The following MCTP1 variants were observed in gnomAD, a reference collection of about 807,000 sequenced individuals.
MCTP1 encodes the protein multiple C2 and transmembrane domain containing 1.
A neutral mutation model predicts 120.6 loss-of-function variants in MCTP1; 69 were observed. The observed-to-expected ratio is 0.57, with a 90% CI of 0.47 to 0.70. The LOEUF is 0.70. Ranked by LOEUF, MCTP1 falls within the 30% of genes least tolerant of loss-of-function variation. The pLI is 0.00. For missense variants in MCTP1, 1,203 were observed against 1,248.8 expected, an observed-to-expected ratio of 0.96 and a Z score of 0.55; for synonymous variants, 529 against 493.1, an observed-to-expected ratio of 1.07 and a Z score of -0.96.
chr5:95,149,441 C>G (rs553108322), intron 1 of MCTP1, among the ~76,000 whole-genome samples: 3 of 152,084 alleles, frequency 2.0e-5, no homozygotes, highest in Admixed American at 2.0e-4. Context: ...TGGGAAAATA[C>G]GGAGCTGTGC....
At chr5:95,221,100 A>G (rs1416363605) in intron 1 of MCTP1, among the ~76,000 whole-genome samples, 1 of 152,250 alleles carries the variant, frequency 6.6e-6, no homozygotes, top group African/African-American at 2.4e-5. Context: ...TGCTACAACC[A>G]ACAGGTAAAA....
At chr5:95,103,661 TAC>T (rs1450472968) in intron 1 of MCTP1, among the ~76,000 whole-genome samples, 3 of 152,226 alleles carry the variant, frequency 2.0e-5, no homozygotes, top group Admixed American at 6.5e-5. Flanking sequence ...TCATTTCACC[TAC>T]TGCACTTTAT....
Position 94,727,113 on chromosome 5 carries a change from T to TC in MCTP1, c.2611-12228dup, listed in dbSNP as rs1364659387. On this transcript the variant is annotated intron_variant, in intron 19 of 22. Coordinates refer to ENST00000515393, the MANE Select transcript of MCTP1 (RefSeq NM_024717.7). ...CCCTTACAGAAAGAGAGAATCACCA[T>TC]CCCTTCTCCCCATCTGAGCTTAAAA... is the stretch of plus-strand genomic sequence containing the variant. Among the ~76,000 whole-genome samples the TC allele has an allele frequency of 2.0e-5, 3 of 152,152 alleles. No homozygotes were observed. In the East Asian group the frequency reaches 5.8e-4, roughly 29 times the overall value.
chr5:94,994,609 G>A (rs1832247374), intron 2 of MCTP1, among the ~76,000 whole-genome samples: 1 of 152,170 alleles, frequency 6.6e-6, no homozygotes. Context: ...TGTAGTGTGT[G>A]TATGTTGAGG....
At chr5:94,710,959 A>G (rs1291013616) in intron 20 of MCTP1, 32 bp from the exon 21 acceptor site, 2 of 1,405,018 alleles carry the variant, frequency 1.4e-6, no homozygotes, top group African/African-American at 1.4e-5. Context: ...CAGCAATCTG[A>G]GTACTTCATA....
At chr5:94,867,409 C>T (rs1216440756) in intron 17 of MCTP1, 5 of 1,281,782 alleles carry the variant, frequency 3.9e-6, no homozygotes, top group Non-Finnish European at 5.5e-6. Context: ...GCTCAAAGTA[C>T]TAAACAGATG....
intron 20 of MCTP1, among the ~76,000 whole-genome samples, chr5:94,714,353 T>A (rs1046180182): frequency 7.9e-5 from 12 of 152,178 alleles, no homozygotes; most frequent in African/African-American, 2.2e-4. Flanking sequence ...ATTAATTTTT[T>A]AAAAAATTTA....
intron 1 of MCTP1, among the ~76,000 whole-genome samples, chr5:95,163,572 G>A (rs944647599): frequency 6.6e-6 from 1 of 152,194 alleles, no homozygotes; most frequent in African/African-American, 2.4e-5. Context: ...GGGTAACACT[G>A]CATATTCAAT....
At chr5:94,980,475 A>C (rs1729868061) in intron 2 of MCTP1, among the ~76,000 whole-genome samples, 1 of 152,132 alleles carries the variant, frequency 6.6e-6, no homozygotes, top group Admixed American at 6.6e-5. Context: ...AATTCAATGA[A>C]ATATTGAATT....
chr5:95,002,892 C>G (rs558445118), intron 2 of MCTP1, among the ~76,000 whole-genome samples: 5 of 152,118 alleles, frequency 3.3e-5, no homozygotes, highest in Admixed American at 2.6e-4. Context: ...GCTTTGTGTC[C>G]CCACCCAAAT....
chr5:95,078,571 A>G (rs1204389974), intron 1 of MCTP1, among the ~76,000 whole-genome samples: 1 of 152,202 alleles, frequency 6.6e-6, no homozygotes, highest in East Asian at 1.9e-4. Context: ...ACTAAGAATA[A>G]GAATGTTGCA....
chr5:95,273,585 T>G (rs373147828), intron 1 of MCTP1, among the ~76,000 whole-genome samples: 175 of 152,358 alleles, frequency 1.1e-3, no homozygotes, highest in South Asian at 4.8e-3. Flanking sequence ...TTATTTACCC[T>G]TTCTTTTGCT....
At chr5:94,866,262 A>G (rs1796773069) in intron 17 of MCTP1, among the ~76,000 whole-genome samples, 1 of 151,938 alleles carries the variant, frequency 6.6e-6, no homozygotes, top group South Asian at 2.1e-4. Flanking sequence ...AGTGCTAGAT[A>G]CTGTGCAGAT....
chr5:95,024,391 AT>A (rs1358253414), intron 1 of MCTP1, among the ~76,000 whole-genome samples: 1 of 152,162 alleles, frequency 6.6e-6, no homozygotes, highest in Non-Finnish European at 1.5e-5. Flanking sequence ...TATGAAAAGC[AT>A]TTGACAAAAT....
At chr5:94,758,809 T>C (rs1166397682) in intron 19 of MCTP1, among the ~76,000 whole-genome samples, 1 of 152,172 alleles carries the variant, frequency 6.6e-6, no homozygotes, top group Non-Finnish European at 1.5e-5. Flanking sequence ...TGGAGAAAAG[T>C]CTGCACAATA....
At chr5:95,208,474 T>TTATG (rs1412722460) in intron 1 of MCTP1, among the ~76,000 whole-genome samples, 47 of 152,302 alleles carry the variant, frequency 3.1e-4, no homozygotes, top group African/African-American at 1.1e-3. Flanking sequence ...CAGAAGTATT[T>TTATG]TATAGTTTAT....
At position 95,038,190 on chromosome 5, in the gene MCTP1, A is replaced by G. The variant is rs1223887497; in HGVS notation, c.721-20706T>C. On this transcript the variant is annotated intron_variant, in intron 1 of 22. Transcript: ENST00000515393. ...CAAGTTATTCCTTCCAGGTATAACT[A>G]AAACATGAACATGGAATTAATCATG... 1.0e-5 allele frequency: 8 copies of G among 794,298 alleles called. No individual in the cohort carries two copies. The African/African-American group carries it at 1.3e-4, about 13-fold the overall frequency. The allele number at this position is 794,298 out of a possible 1,614,324, so 49.2% of individuals were successfully genotyped here.
At chr5:95,199,947 G>C (rs1309591598) in intron 1 of MCTP1, among the ~76,000 whole-genome samples, 1 of 151,890 alleles carries the variant, frequency 6.6e-6, no homozygotes, top group African/African-American at 2.4e-5. Context: ...GATCACCTGA[G>C]GTTGGGATTT....
At chr5:95,052,140 G>C (rs1324245476) in intron 1 of MCTP1, among the ~76,000 whole-genome samples, 2 of 152,216 alleles carry the variant, frequency 1.3e-5, no homozygotes, top group East Asian at 3.8e-4. Context: ...TTTTGGGCAA[G>C]TAGGTAGTTT....
Sources: gnomAD v4.1 joint callset for allele counts (sites outside exome capture counted in the v4.1 genomes callset) on GRCh38, gnomAD v4.1.1 for gene constraint, MANE v1.5 for transcripts, NCBI Gene and HGNC (gene_info 2026-07-23, HGNC 2026-07-21) for gene names.